Variants in PPP4R4 observed in about 807,000 individuals in gnomAD.
PPP4R4 encodes the protein protein phosphatase 4 regulatory subunit 4.
Under a neutral mutation model 121.8 loss-of-function variants are expected in PPP4R4, and 70 were observed. The ratio of observed to expected loss-of-function variants is 0.57; its 90% CI spans 0.47 to 0.70. The LOEUF (loss-of-function observed/expected upper bound fraction) is 0.70. Ranked by LOEUF, PPP4R4 falls within the 30% of genes least tolerant of loss-of-function variation. PPP4R4 has a pLI of 0.00. For synonymous variants in PPP4R4, 348 were observed against 355.7 expected, an observed-to-expected ratio of 0.98 and a Z score of 0.24; for missense variants, 875 against 1,033.6, an observed-to-expected ratio of 0.85 and a Z score of 2.10.
chr14:94,229,322 TG>T (rs1275168179), intron 3 of PPP4R4, among the ~76,000 whole-genome samples: 1 of 152,160 alleles, frequency 6.6e-6, no homozygotes, highest in East Asian at 1.9e-4. Context: ...CAGGATTTAT[TG>T]GTCTTTTGAC....
intron 2 of PPP4R4, among the ~76,000 whole-genome samples, chr14:94,203,890 A>G (rs1890323197): frequency 6.6e-6 from 1 of 152,052 alleles, no homozygotes; most frequent in African/African-American, 2.4e-5. Flanking sequence ...TGGATTGTGT[A>G]TTTTATTACT....
intron 6 of PPP4R4, among the ~76,000 whole-genome samples, 174 bp downstream of exon 6, chr14:94,233,933 T>A (rs904446357): frequency 9.9e-5 from 15 of 152,220 alleles, no homozygotes; most frequent in Non-Finnish European, 2.2e-4. Context: ...GCCTTTCTTT[T>A]CAATCTCATA....
At chr14:94,184,677 CTA>C (rs1481427348) in intron 2 of PPP4R4, among the ~76,000 whole-genome samples, 1 of 152,160 alleles carries the variant, frequency 6.6e-6, no homozygotes, top group African/African-American at 2.4e-5. Flanking sequence ...CTTTCATTGA[CTA>C]TGTTGGCTAT....
Position 94,174,340 on chromosome 14 carries a change from C to A in PPP4R4, c.-126C>A, listed in dbSNP as rs1469601238. 8 of 829,590 alleles carry A rather than the reference C, an allele frequency of 9.6e-6. No individual in the cohort carries two copies. Among genetic ancestry groups the A allele is most frequent in the Non-Finnish European group, 1.3e-5 (8 of 629,744 alleles). The allele number at this position is 829,590 out of a possible 1,614,324, so 51.4% of individuals were successfully genotyped here. A position where few individuals can be genotyped will look rare whatever the true frequency, so the allele number is the denominator to read the frequency against. Reference sequence around the variant, plus strand: ...CCGTGCTCTTGCTCCCGCCGCCTGGCAGCCTCACGCTCGGCTCCAGCGGCC... The same window carrying A: ...CCGTGCTCTTGCTCCCGCCGCCTGGAAGCCTCACGCTCGGCTCCAGCGGCC... On this transcript the variant is annotated 5_prime_UTR_variant, in exon 1 of 25. Transcript: ENST00000304338.
Position 94,234,779 on chromosome 14 carries a change from A to G in PPP4R4, c.731+110A>G, listed in dbSNP as rs913934572. 57 of 776,312 alleles carry G rather than the reference A, an allele frequency of 7.3e-5. 1 individual carries two copies. In the African/African-American group the frequency reaches 9.8e-4, roughly 13 times the overall value. 48.1% of individuals were successfully genotyped at this position (776,312 alleles called of 1,614,324 possible). A position where few individuals can be genotyped will look rare whatever the true frequency, so the allele number is the denominator to read the frequency against. On this transcript the variant is annotated intron_variant, in intron 7 of 24. Coordinates refer to ENST00000304338, the MANE Select transcript of PPP4R4 (RefSeq NM_058237.2). Reference sequence around the variant, plus strand: ...CAAGTACCTCCTCTATGTCTGGATTAAAAGAGATAAAGAGGAATGTGCTTA... The same window carrying G: ...CAAGTACCTCCTCTATGTCTGGATTGAAAGAGATAAAGAGGAATGTGCTTA...
intron 15 of PPP4R4, among the ~76,000 whole-genome samples, chr14:94,251,404 T>C (rs1006433924): frequency 6.6e-6 from 1 of 152,086 alleles, no homozygotes; most frequent in Non-Finnish European, 1.5e-5. Flanking sequence ...AAGAAGTATG[T>C]GCATCCCTTG....
At chr14:94,232,951 G>A (rs966433781) in intron 5 of PPP4R4, among the ~76,000 whole-genome samples, 1 of 152,030 alleles carries the variant, frequency 6.6e-6, no homozygotes, top group East Asian at 1.9e-4. Flanking sequence ...CCAGCTACTC[G>A]GGAGGCTGAG....
chr14:94,256,481 G>A lies in PPP4R4; in HGVS notation c.1887G>A (p.Leu629=). ...ANVRMKLCYL[L]PKVKSTLKIP... ...GTAGAATGAAACTTTGCTACCTGTT[G>A]CCCAAAGTGAAATCTACTCTGAAGA... The change falls in exon 17 of 25, where the codon TTG becomes TTA. Residue 629 remains leucine (L), a synonymous_variant. Coordinates refer to ENST00000304338, the MANE Select transcript of PPP4R4 (RefSeq NM_058237.2). 1 of 1,598,290 alleles carries A rather than the reference G, an allele frequency of 6.3e-7. No homozygotes were observed. Among genetic ancestry groups the A allele is most frequent in the Non-Finnish European group, 8.6e-7 (1 of 1,168,354 alleles).
intron 4 of PPP4R4, among the ~76,000 whole-genome samples, 163 bp from the exon 5 acceptor site, chr14:94,231,079 T>C (rs1892007069): frequency 6.6e-6 from 1 of 152,218 alleles, no homozygotes; most frequent in Admixed American, 6.5e-5. Context: ...AAAAATTTTC[T>C]AGATGTTGAC....
At chr14:94,273,041 G>A (rs1228454795) in intron 23 of PPP4R4, among the ~76,000 whole-genome samples, 1 of 152,134 alleles carries the variant, frequency 6.6e-6, no homozygotes, top group East Asian at 1.9e-4. Flanking sequence ...TTGCTGGTGG[G>A]AATACAAAAT....
chr14:94,278,367 C>T (rs897992979), intron 24 of PPP4R4, among the ~76,000 whole-genome samples: 2 of 151,984 alleles, frequency 1.3e-5, no homozygotes, highest in African/African-American at 4.8e-5. Flanking sequence ...AAATTGAATG[C>T]TATGTTATAT....
chr14:94,190,839 C>G (rs1219974052), intron 2 of PPP4R4, among the ~76,000 whole-genome samples: 1 of 149,512 alleles, frequency 6.7e-6, no homozygotes, highest in Non-Finnish European at 1.5e-5. Context: ...CCCTTTTACT[C>G]TATGCAAAAT....
rs560617120 is a variant in PPP4R4, at chr14:94,185,327, G to A, written c.191+9200G>A. 2.6e-5 allele frequency among the ~76,000 whole-genome samples: 4 copies of A among 152,222 alleles called. No homozygotes were observed. The South Asian group carries it at 6.2e-4, about 24-fold the overall frequency. On this transcript the variant is annotated intron_variant, in intron 2 of 24. Coordinates refer to ENST00000304338, the MANE Select transcript of PPP4R4 (RefSeq NM_058237.2). The stretch of plus-strand genomic sequence containing the variant: ...TCGAGACTAGCCTGGGCAATATAGC[G>A]AGACCCTGTCTCTACAAAAAAATTT...
At chr14:94,255,348 C>A (rs1482237543) in intron 16 of PPP4R4, among the ~76,000 whole-genome samples, 1 of 145,756 alleles carries the variant, frequency 6.9e-6, no homozygotes, top group African/African-American at 2.6e-5. Context: ...CCTGTAATCC[C>A]AGCACTTTGG....
intron 3 of PPP4R4, among the ~76,000 whole-genome samples, chr14:94,208,793 C>G (rs1450471275): frequency 5.3e-5 from 8 of 151,952 alleles, no homozygotes; most frequent in Admixed American, 5.3e-4. Context: ...TAGTCATTTT[C>G]TCAGTAGAGA....
At chr14:94,181,512 A>G (rs770910728) in intron 2 of PPP4R4, among the ~76,000 whole-genome samples, 10 of 152,282 alleles carry the variant, frequency 6.6e-5, no homozygotes, top group Non-Finnish European at 1.3e-4. Context: ...TCATTTGCCA[A>G]TCTTTTGATG....
At chr14:94,237,780 C>A (rs772558461) in intron 8 of PPP4R4, 94 bp downstream of exon 8, 9 of 1,428,006 alleles carry the variant, frequency 6.3e-6, no homozygotes, top group Non-Finnish European at 8.6e-6. Flanking sequence ...TTAGAATTTC[C>A]TATGTTAAGC....
intron 2 of PPP4R4, among the ~76,000 whole-genome samples, chr14:94,208,155 G>A (rs2139449504): frequency 6.6e-6 from 1 of 152,022 alleles, no homozygotes; most frequent in East Asian, 1.9e-4. Flanking sequence ...AAATGAGGTA[G>A]AATTAAAAAA....
chr14:94,240,162 T>G (rs1892552502), intron 8 of PPP4R4, among the ~76,000 whole-genome samples: 1 of 152,180 alleles, frequency 6.6e-6, no homozygotes, highest in African/African-American at 2.4e-5. Flanking sequence ...ATTAATTTTT[T>G]AAAGAAGAGC....
Sources: gnomAD v4.1 joint callset for allele counts (sites outside exome capture counted in the v4.1 genomes callset) on GRCh38, gnomAD v4.1.1 for gene constraint, MANE v1.5 for transcripts, NCBI Gene and HGNC (gene_info 2026-07-23, HGNC 2026-07-21) for gene names.